The following ZFAT variants were observed in gnomAD, a reference collection of about 807,000 sequenced individuals.
The protein encoded by ZFAT is zinc finger protein ZFAT.
A neutral mutation model predicts 117.7 loss-of-function variants in ZFAT; 64 were observed. That is an observed-to-expected ratio of 0.54 (90% CI 0.44 to 0.67). The LOEUF (loss-of-function observed/expected upper bound fraction) is 0.67, where lower values mean the gene tolerates loss of function less well. Ranked by LOEUF, ZFAT falls within the 30% of genes least tolerant of loss-of-function variation. ZFAT has a pLI of 0.00. For missense variants in ZFAT, 1,433 were observed against 1,584.5 expected (o/e 0.90, Z 1.62); for synonymous variants, 679 against 615.0 (o/e 1.10, Z -1.54).
intron 1 of ZFAT, among the ~76,000 whole-genome samples, chr8:134,659,099 C>G (rs549710442): frequency 6.6e-6 from 1 of 152,236 alleles, no homozygotes; most frequent in African/African-American, 2.4e-5. Context: ...GCAACTTCTA[C>G]GCCATTTACT....
chr8:134,819,646 T>C, the ZFAT span, among the ~76,000 whole-genome samples: 2 of 152,038 alleles, frequency 1.3e-5, no homozygotes, highest in Non-Finnish European at 2.9e-5. Flanking sequence ...ACTTGTCCCT[T>C]AAATATTGGT....
the ZFAT span, among the ~76,000 whole-genome samples, chr8:134,720,820 C>T: frequency 6.6e-6 from 1 of 152,192 alleles, no homozygotes; most frequent in Non-Finnish European, 1.5e-5. Context: ...CTTGCTGCTG[C>T]CAAAGTGAGT....
chr8:134,729,468 A>G, the ZFAT span, among the ~76,000 whole-genome samples: 1 of 152,170 alleles, frequency 6.6e-6, no homozygotes, highest in Non-Finnish European at 1.5e-5. Context: ...AGTAGCTGGG[A>G]CTACAGGCGC....
chr8:134,708,221 C>T (rs1441145498), intron 1 of ZFAT, among the ~76,000 whole-genome samples: 1 of 152,120 alleles, frequency 6.6e-6, no homozygotes, highest in East Asian at 1.9e-4. Flanking sequence ...GCTACAAAGC[C>T]TCAATTAGAC....
intron 1 of ZFAT, among the ~76,000 whole-genome samples, chr8:134,708,589 C>T (rs1428763024): frequency 6.6e-6 from 1 of 151,976 alleles, no homozygotes; most frequent in African/African-American, 2.4e-5. Context: ...AAAAAGGAGG[C>T]AACTTTAAAT....
At chr8:134,789,196 T>C in the ZFAT span, among the ~76,000 whole-genome samples, 10 of 152,330 alleles carry the variant, frequency 6.6e-5, no homozygotes, top group East Asian at 1.9e-3. Context: ...GATTACAACA[T>C]GCACCCTTGT....
At chr8:134,712,622 G>A (rs1814048666) in intron 1 of ZFAT, among the ~76,000 whole-genome samples, 2 of 63,484 alleles carry the variant, frequency 3.2e-5, no homozygotes, top group Admixed American at 3.7e-4. Context: ...CTCCCGCCTT[G>A]CTTTTTTTTT....
In ZFAT at chr8:134,602,269, C is replaced by T; in HGVS notation, c.1450G>A (p.Ala484Thr). Residue 484 changes from alanine (A) to threonine (T), a missense_variant, in exon 6 of 16, where the codon GCC (alanine) becomes ACC (threonine). By Grantham distance (58) the Ala-to-Thr change is moderately conservative. Around this residue, in one of 5 missense-constraint regions of ZFAT, gnomAD observed 372 missense variants for 355.6 expected, o/e 1.05. Coordinates refer to ENST00000377838, the MANE Select transcript of ZFAT (RefSeq NM_020863.4). ...CTGGTGAAGACCAAGGCCTCCTGGG[C>T]AGCCCCGTGCACCTCTTTGATGTGG... is the stretch of plus-strand genomic sequence containing the variant. Reference protein sequence around the residue: ...RTHIKEVHGAAQEALVFTSSI... With the variant: ...RTHIKEVHGATQEALVFTSSI... The T allele has an allele frequency of 6.2e-7, 1 of 1,613,856 alleles. No homozygotes were observed.
chr8:134,592,559 T>C (rs922271539), intron 7 of ZFAT, among the ~76,000 whole-genome samples: 1 of 152,120 alleles, frequency 6.6e-6, no homozygotes. Context: ...AAACAATGCC[T>C]CCTTCACAGG....
rs757944087 is a variant in ZFAT at position 134,590,263 on chromosome 8, C to A, written c.2563+5G>T. 2 of 1,610,238 alleles carry A rather than the reference C, an allele frequency of 1.2e-6. No individual in the cohort carries two copies. The highest frequency in any genetic ancestry group is 2.2e-5 in the South Asian group (2 of 90,868). On this transcript the variant is annotated splice_donor_5th_base_variant and intron_variant, in intron 8 of 15. Coordinates refer to ENST00000377838, the MANE Select transcript of ZFAT (RefSeq NM_020863.4). ...AATCTTCCACTCCAAAATGCACAAC[C>A]TTACCAGGATGGTTGGTCTTGATAT...
chr8:134,756,743 T>C, the ZFAT span, among the ~76,000 whole-genome samples: 1 of 152,174 alleles, frequency 6.6e-6, no homozygotes, highest in Admixed American at 6.5e-5. Flanking sequence ...TTAGGACAAG[T>C]GAAGGGCCAA....
chr8:134,682,379 G>A (rs531945669), intron 1 of ZFAT, among the ~76,000 whole-genome samples: 2 of 152,324 alleles, frequency 1.3e-5, no homozygotes, highest in Admixed American at 1.3e-4. Flanking sequence ...AGTCTGGCCG[G>A]GCACGGTGGC....
the ZFAT span, among the ~76,000 whole-genome samples, chr8:134,748,254 C>T: frequency 2.6e-4 from 40 of 152,282 alleles, no homozygotes; most frequent in Non-Finnish European, 5.1e-4. Context: ...GAAGTAACCA[C>T]TTGCCTTTTA....
intron 15 of ZFAT, among the ~76,000 whole-genome samples, chr8:134,497,323 G>A (rs974462727): frequency 1.3e-4 from 20 of 152,266 alleles, no homozygotes; most frequent in African/African-American, 4.6e-4. Flanking sequence ...AAAGAGAACA[G>A]CATCCTCTGT....
At chr8:134,790,908 G>A in the ZFAT span, among the ~76,000 whole-genome samples, 5 of 152,136 alleles carry the variant, frequency 3.3e-5, no homozygotes, top group East Asian at 7.7e-4. Flanking sequence ...CCACCTACTC[G>A]GGAGGCTTAC....
upstream of ZFAT, among the ~76,000 whole-genome samples, chr8:134,716,975 A>G (rs556125460): frequency 2.6e-5 from 4 of 152,168 alleles, no homozygotes; most frequent in Non-Finnish European, 4.4e-5. Flanking sequence ...CTTCCAGAAG[A>G]CTAGGAACCA....
At chr8:134,503,714 C>A (rs894357) in intron 15 of ZFAT, among the ~76,000 whole-genome samples, 20,974 of 152,082 alleles carry the variant, frequency 0.14, 1,864 homozygotes, top group Non-Finnish European at 0.19. Context: ...TTCTTCCTCC[C>A]AACAGCCTTC....
At chr8:134,509,847 C>A in intron 14 of ZFAT, 98 bp from the exon 15 acceptor site, 1 of 1,464,246 alleles carries the variant, frequency 6.8e-7, no homozygotes, top group Non-Finnish European at 9.1e-7. Flanking sequence ...GTGACGCCTT[C>A]TCCAGAGGAT....
intron 10 of ZFAT, among the ~76,000 whole-genome samples, chr8:134,576,140 T>C (rs570762682): frequency 9.3e-4 from 141 of 152,352 alleles, no homozygotes; most frequent in Non-Finnish European, 1.4e-3. Context: ...TGAGACCCTC[T>C]ACCTGGTGAG....
Sources: gnomAD v4.1 joint callset for allele counts (sites outside exome capture counted in the v4.1 genomes callset) on GRCh38, gnomAD v4.1.1 for gene constraint, gnomAD v4.1.1 regional missense constraint, MANE v1.5 for transcripts, NCBI Gene and HGNC (gene_info 2026-07-23, HGNC 2026-07-21) for gene names.